MTMR3: variants seen among roughly 807,000 people sequenced by gnomAD.
MTMR3 encodes phosphatidylinositol-3,5-bisphosphate 3-phosphatase MTMR3.
In MTMR3, 32 loss-of-function variants were observed where a neutral mutation model predicts 132.4. The ratio of observed to expected loss-of-function variants is 0.24; its 90% CI spans 0.18 to 0.32. The LOEUF (loss-of-function observed/expected upper bound fraction) is 0.32. Ranked by LOEUF, MTMR3 falls within the 10% of genes least tolerant of loss-of-function variation. The probability of loss-of-function intolerance (pLI) is 1.00; values close to 1 mark genes in which losing one functional copy is unlikely to be tolerated. For synonymous variants in MTMR3, 556 were observed against 550.3 expected, an observed-to-expected ratio of 1.01 and a Z score of -0.14; for missense variants, 1,216 against 1,489.6, an observed-to-expected ratio of 0.82 and a Z score of 3.02.
At chr22:29,903,390 CTTTTTT>C (rs35625964) in intron 1 of MTMR3, among the ~76,000 whole-genome samples, 3 of 119,708 alleles carry the variant, frequency 2.5e-5, no homozygotes, top group Non-Finnish European at 5.0e-5. Context: ...CTTTTTCTTT[CTTTTTT>C]TTTTTTTTTT....
At chr22:30,022,448 G>A (rs2067787336) in intron 18 of MTMR3, 161 bp from the exon 19 acceptor site, 6 of 663,406 alleles carry the variant, frequency 9.0e-6, no homozygotes, top group African/African-American at 3.6e-5. Context: ...CCAGGGAAAC[G>A]ATTTGGACGC....
In MTMR3 at chr22:30,022,642, C is replaced by T; in HGVS notation, c.3370C>T (p.His1124Tyr). 1 of 1,612,758 alleles carries T rather than the reference C, an allele frequency of 6.2e-7. No individual in the cohort carries two copies. Among genetic ancestry groups the T allele is most frequent in the South Asian group, 1.1e-5 (1 of 91,076 alleles). Residue 1124 changes from histidine (H) to tyrosine (Y), a missense_variant, in exon 19 of 20, where the codon CAC (histidine) becomes TAC (tyrosine). By Grantham distance (83) the His-to-Tyr change is moderately conservative. Around this residue, in one of 7 missense-constraint regions of MTMR3, gnomAD observed 852 missense variants for 852.0 expected, o/e 1.00. Transcript: ENST00000401950. Reference sequence around the variant, plus strand: ...TTGGCTTCCTGACCACCTGGCCGCCCACTGCTATGCGTGCGACAGTGCCTT... The same window carrying T: ...TTGGCTTCCTGACCACCTGGCCGCCTACTGCTATGCGTGCGACAGTGCCTT... ...TRWLPDHLAA[H>Y]CYACDSAFWL...
chr22:29,958,418 T>C (rs1397647680), intron 2 of MTMR3, among the ~76,000 whole-genome samples: 1 of 152,176 alleles, frequency 6.6e-6, no homozygotes, highest in African/African-American at 2.4e-5. Flanking sequence ...TCAGGTTCTT[T>C]ACAGGTAGGC....
intron 9 of MTMR3, chr22:30,006,591 C>G (rs988958082): frequency 1.9e-5 from 3 of 154,176 alleles, no homozygotes; most frequent in Non-Finnish European, 2.9e-5. Context: ...GCTCTGTCAC[C>G]CAAGCTGGAG....
rs2067935439 is a variant in MTMR3 at position 30,027,560 on chromosome 22, A to T, written c.*1759A>T. ...AAGTTGGTCTAATTGAAGATTGTGC[A>T]TTTCCTAGTGACAGGTGCCAAGAGG... On this transcript the variant is annotated 3_prime_UTR_variant, in exon 20 of 20. Transcript: ENST00000401950. 1.3e-5 allele frequency: 2 copies of T among 152,780 alleles called. No individual in the cohort carries two copies. The highest frequency in any genetic ancestry group is 4.1e-4 in the South Asian group (2 of 4,822). 9.5% of individuals were successfully genotyped at this position (152,780 alleles called of 1,614,324 possible).
rs548807797 is a variant in MTMR3 at position 29,988,578 on chromosome 22, T to C, written c.293+16T>C. 6.3e-7 allele frequency: 1 copy of C among 1,579,396 alleles called. No individual in the cohort carries two copies. The highest frequency in any genetic ancestry group is 2.3e-5 in the East Asian group (1 of 44,428). ...AAGTTATCAGGTATGTGGTATGGTATGTTTGTGTTGCTGTTTAGTGTGGAA... is the reference window on the plus strand; with the variant it reads ...AAGTTATCAGGTATGTGGTATGGTACGTTTGTGTTGCTGTTTAGTGTGGAA... On this transcript the variant is annotated intron_variant, in intron 6 of 19. Coordinates refer to ENST00000401950, the MANE Select transcript of MTMR3 (RefSeq NM_021090.4).
rs577205218 is a variant in MTMR3 at position 30,023,742 on chromosome 22, T to G, written c.3425+1045T>G. The G allele has an allele frequency of 1.2e-4, 58 of 499,452 alleles. 1 individual carries two copies. In the South Asian group the frequency reaches 1.3e-3, roughly 11 times the overall value. The allele number at this position is 499,452 out of a possible 1,614,324, so 30.9% of individuals were successfully genotyped here. ...CTTGCTTGTGACGAGAAGTAGTGCT[T>G]CTTGTCTTCTGGTCTTGTAGGGGAA... On this transcript the variant is annotated intron_variant, in intron 19 of 19. Transcript: ENST00000401950.
chr22:29,949,706 ATTTTGGGTCT>A (rs947797158), intron 1 of MTMR3, among the ~76,000 whole-genome samples: 9 of 152,018 alleles, frequency 5.9e-5, no homozygotes, highest in African/African-American at 2.2e-4. Context: ...GAGATTGATT[ATTTTGGGTCT>A]TTTTGTCCAA....
intron 13 of MTMR3, 73 bp from the exon 14 acceptor site, chr22:30,013,283 T>C: frequency 6.6e-7 from 1 of 1,513,330 alleles, no homozygotes; most frequent in South Asian, 1.2e-5. Context: ...TTGCTTTCTG[T>C]GACACCAGGC....
At chr22:30,022,928 G>C in intron 19 of MTMR3, 1 of 523,084 alleles carries the variant, frequency 1.9e-6, no homozygotes, top group Admixed American at 3.4e-5. Context: ...GTAGCATTTT[G>C]TTGTTTCCCA....
At chr22:29,957,880 T>C (rs537981553) in intron 2 of MTMR3, among the ~76,000 whole-genome samples, 1 of 152,316 alleles carries the variant, frequency 6.6e-6, no homozygotes, top group South Asian at 2.1e-4. Flanking sequence ...CATATGACTT[T>C]CATTATAGTG....
intron 1 of MTMR3, among the ~76,000 whole-genome samples, chr22:29,936,453 C>G: frequency 6.6e-6 from 1 of 152,128 alleles, no homozygotes; most frequent in Non-Finnish European, 1.5e-5. Context: ...TCTTCCTGCC[C>G]TGGAGCTTTT....
chr22:29,994,033 A>C, intron 7 of MTMR3: 4 of 798,662 alleles, frequency 5.0e-6, no homozygotes, highest in Non-Finnish European at 6.1e-6. Context: ...TGGGACATTC[A>C]TGCTCTTCCT....
chr22:30,003,163 A>AC, intron 9 of MTMR3, 170 bp downstream of exon 9: 1 of 514,936 alleles, frequency 1.9e-6, no homozygotes, highest in Admixed American at 3.2e-5. Context: ...ACACATCAGT[A>AC]CTGACTGCAT....
At chr22:29,944,516 C>G (rs1225244441) in intron 1 of MTMR3, among the ~76,000 whole-genome samples, 1 of 152,110 alleles carries the variant, frequency 6.6e-6, no homozygotes, top group Non-Finnish European at 1.5e-5. Context: ...AGATAGAGAT[C>G]AAATTGAGTT....
intron 19 of MTMR3, 118 bp from the exon 20 acceptor site, chr22:30,025,512 T>G: frequency 9.5e-7 from 1 of 1,054,436 alleles, no homozygotes; most frequent in Non-Finnish European, 1.4e-6. Flanking sequence ...AAGGGTTTGA[T>G]CTCAAGGAGC....
intron 6 of MTMR3, 51 bp from the exon 7 acceptor site, chr22:29,991,453 T>C: frequency 1.6e-5 from 25 of 1,515,724 alleles, no homozygotes; most frequent in Non-Finnish European, 2.2e-5. Flanking sequence ...TTCTTACATT[T>C]CATTTCAACT....
chr22:29,972,385 TC>T (rs1353034723), intron 3 of MTMR3, among the ~76,000 whole-genome samples: 4 of 152,198 alleles, frequency 2.6e-5, no homozygotes, highest in African/African-American at 9.7e-5. Context: ...CAGAAAGTCT[TC>T]CTGGTGTTTT....
intron 3 of MTMR3, among the ~76,000 whole-genome samples, chr22:29,975,257 A>G (rs2066608366): frequency 2.0e-5 from 3 of 152,234 alleles, no homozygotes; most frequent in Admixed American, 2.0e-4. Flanking sequence ...TAAAACTGAG[A>G]AATCTTTAAA....
Sources: allele counts gnomAD v4.1 joint callset (sites outside exome capture counted in the v4.1 genomes callset), GRCh38; gene constraint gnomAD v4.1.1; regional missense constraint gnomAD v4.1.1; transcripts MANE v1.5; gene names NCBI Gene and HGNC (gene_info 2026-07-23, HGNC 2026-07-21).